ATRNL1: variants seen among roughly 807,000 people sequenced by gnomAD.
The protein encoded by ATRNL1 is attractin-like protein 1.
In ATRNL1, 95 loss-of-function variants were observed where a neutral mutation model predicts 182.7. The observed-to-expected ratio is 0.52, with a 90% CI of 0.44 to 0.62. The LOEUF (loss-of-function observed/expected upper bound fraction) is 0.62, where lower values mean the gene tolerates loss of function less well. Ranked by LOEUF, ATRNL1 falls within the 20% of genes least tolerant of loss-of-function variation. ATRNL1 has a pLI of 0.00. For missense variants in ATRNL1, 1,471 were observed against 1,679.5 expected (o/e 0.88, Z 2.17); for synonymous variants, 576 against 568.3 (o/e 1.01, Z -0.19).
intron 27 of ATRNL1, among the ~76,000 whole-genome samples, chr10:115,742,058 A>C (rs1367355609): frequency 6.6e-6 from 1 of 152,202 alleles, no homozygotes; most frequent in Non-Finnish European, 1.5e-5. Flanking sequence ...GTAATTATGC[A>C]GTCATTGGTG....
At chr10:115,579,084 C>A (rs1213409056) in intron 26 of ATRNL1, among the ~76,000 whole-genome samples, 1 of 151,610 alleles carries the variant, frequency 6.6e-6, no homozygotes, top group East Asian at 1.9e-4. Context: ...TGATTTTGAT[C>A]TTCTTAAATT....
chr10:115,934,690 G>A (rs560485776), intron 28 of ATRNL1, among the ~76,000 whole-genome samples: 31 of 152,186 alleles, frequency 2.0e-4, no homozygotes, highest in African/African-American at 6.5e-4. Context: ...CCCTACTCCA[G>A]TCTGTCCTCC....
chr10:115,157,507 A>G (rs1846578427), intron 5 of ATRNL1, among the ~76,000 whole-genome samples: 1 of 152,064 alleles, frequency 6.6e-6, no homozygotes, highest in African/African-American at 2.4e-5. Flanking sequence ...CAACATATAG[A>G]TTGGGCTACA....
chr10:115,815,060 A>G (rs1164199426), intron 27 of ATRNL1, among the ~76,000 whole-genome samples: 1 of 152,152 alleles, frequency 6.6e-6, no homozygotes, highest in Admixed American at 6.6e-5. Context: ...CCACCTACAG[A>G]TTTCTGATAT....
intron 9 of ATRNL1, among the ~76,000 whole-genome samples, chr10:115,219,420 C>G (rs1323163651): frequency 6.6e-6 from 1 of 152,084 alleles, no homozygotes; most frequent in East Asian, 1.9e-4. Flanking sequence ...CTATTGATGA[C>G]ACAGTGAGTA....
chr10:115,514,810 T>G (rs933192917), intron 24 of ATRNL1, among the ~76,000 whole-genome samples: 31 of 152,066 alleles, frequency 2.0e-4, no homozygotes, highest in Middle Eastern at 3.4e-3. Flanking sequence ...ATTATATATT[T>G]TAATAATCAA....
At chr10:115,296,281 T>G (rs1592398066) in intron 15 of ATRNL1, among the ~76,000 whole-genome samples, 1 of 152,056 alleles carries the variant, frequency 6.6e-6, no homozygotes. Context: ...TCACCACAGG[T>G]GCATCTCCAC....
At chr10:115,464,842 T>TA (rs57074253) in intron 22 of ATRNL1, among the ~76,000 whole-genome samples, 36,863 of 151,536 alleles carry the variant, frequency 0.24, 4,765 homozygotes, top group African/African-American at 0.32. Flanking sequence ...TCATTAATAG[T>TA]AAAAAAATCC....
chr10:115,847,343 G>A (rs1259842880), intron 27 of ATRNL1, among the ~76,000 whole-genome samples: 1 of 152,020 alleles, frequency 6.6e-6, no homozygotes, highest in East Asian at 1.9e-4. Flanking sequence ...CTGAAAATGT[G>A]CTAAGAGAGT....
At chr10:115,511,504 C>T (rs1850384569) in intron 24 of ATRNL1, among the ~76,000 whole-genome samples, 1 of 151,798 alleles carries the variant, frequency 6.6e-6, no homozygotes, top group Admixed American at 6.6e-5. Flanking sequence ...TTTTATATTA[C>T]ATTTTCCTTT....
chr10:115,359,749 A>C (rs527752861), intron 19 of ATRNL1, among the ~76,000 whole-genome samples: 1 of 151,608 alleles, frequency 6.6e-6, no homozygotes, highest in Non-Finnish European at 1.5e-5. Context: ...TTTTCTAGAG[A>C]AGATAAATAG....
At chr10:115,532,502 T>C (rs1254012128) in intron 25 of ATRNL1, among the ~76,000 whole-genome samples, 1 of 152,170 alleles carries the variant, frequency 6.6e-6, no homozygotes, top group Non-Finnish European at 1.5e-5. Context: ...CTGAAGTTGC[T>C]TATCAGTTTA....
chr10:115,608,076 A>AC (rs149864717), intron 26 of ATRNL1, among the ~76,000 whole-genome samples: 1,657 of 152,128 alleles, frequency 0.011, 29 homozygotes, highest in African/African-American at 0.038. Flanking sequence ...TTTAGTAGCA[A>AC]TGCCTTTCCA....
chr10:115,435,415 G>A (rs930877081), intron 21 of ATRNL1, among the ~76,000 whole-genome samples: 1 of 152,080 alleles, frequency 6.6e-6, no homozygotes, highest in Admixed American at 6.6e-5. Flanking sequence ...TCTGCCATGG[G>A]ATGACACAGC....
At chr10:115,842,529 T>C (rs1431667784) in intron 27 of ATRNL1, among the ~76,000 whole-genome samples, 1 of 151,982 alleles carries the variant, frequency 6.6e-6, no homozygotes, top group Non-Finnish European at 1.5e-5. Flanking sequence ...CATTTTCCAG[T>C]TGGGGAAACT....
intron 19 of ATRNL1, among the ~76,000 whole-genome samples, chr10:115,369,295 G>A (rs190083217): frequency 6.1e-4 from 91 of 150,408 alleles, no homozygotes; most frequent in African/African-American, 2.1e-3. Context: ...AAGGGGATTG[G>A]GGTTCTGTGA....
At chr10:115,775,205 C>G (rs932298628) in intron 27 of ATRNL1, among the ~76,000 whole-genome samples, 62 of 152,262 alleles carry the variant, frequency 4.1e-4, no homozygotes, top group African/African-American at 1.2e-3. Context: ...AAACATATAG[C>G]TTTAGCTTGT....
At chr10:115,388,876 T>A (rs1358609434) in intron 19 of ATRNL1, among the ~76,000 whole-genome samples, 5 of 152,256 alleles carry the variant, frequency 3.3e-5, no homozygotes, top group Non-Finnish European at 7.4e-5. Context: ...AAATGTGGCA[T>A]TTACATTTTG....
At position 115,690,879 on chromosome 10, in the gene ATRNL1, A is replaced by G. The variant is rs11197408; in HGVS notation, c.3796-36369A>G. 2.9e-3 allele frequency among the ~76,000 whole-genome samples: 438 copies of G among 152,026 alleles called. 5 individuals are homozygous for G. Among genetic ancestry groups the G allele is most frequent in the Middle Eastern group, 6.8e-3 (2 of 294 alleles). On this transcript the variant is annotated intron_variant, in intron 26 of 28. Coordinates refer to ENST00000355044, the MANE Select transcript of ATRNL1 (RefSeq NM_207303.4). ...CGTCAGGGTTTCTGTGGGCGTAAGA[A>G]CTCTCCCATTGCTCAAATTGCAGCA...
Sources: allele counts gnomAD v4.1 joint callset (sites outside exome capture counted in the v4.1 genomes callset), GRCh38; gene constraint gnomAD v4.1.1; transcripts MANE v1.5; gene names NCBI Gene and HGNC (gene_info 2026-07-23, HGNC 2026-07-21).